Variants in PARVB observed in about 807,000 individuals in gnomAD.
PARVB encodes beta-parvin.
Under a neutral mutation model 47.0 loss-of-function variants are expected in PARVB, and 46 were observed. The observed-to-expected ratio is 0.98, with a 90% CI of 0.77 to 1.25. PARVB has a LOEUF of 1.25. PARVB is among the 50% of genes most tolerant of loss of function. PARVB has a pLI of 0.00. For synonymous variants in PARVB, 196 were observed against 196.3 expected (o/e 1.00, Z 0.01); for missense variants, 473 against 471.6 (o/e 1.00, Z -0.03).
At chr22:44,166,246 A>T (rs907838478) in intron 12 of PARVB, among the ~76,000 whole-genome samples, 3 of 152,170 alleles carry the variant, frequency 2.0e-5, no homozygotes, top group Non-Finnish European at 2.9e-5. Context: ...AGTAGCTGGG[A>T]TTACAGGCAC....
At chr22:44,058,713 C>T (rs1268168637) in intron 1 of PARVB, among the ~76,000 whole-genome samples, 1 of 152,010 alleles carries the variant, frequency 6.6e-6, no homozygotes, top group South Asian at 2.1e-4. Flanking sequence ...TGCCACCACA[C>T]CTGGCTAATT....
intron 1 of PARVB, among the ~76,000 whole-genome samples, chr22:44,037,029 G>T (rs563887384): frequency 6.6e-6 from 1 of 150,904 alleles, no homozygotes; most frequent in African/African-American, 2.4e-5. Context: ...GAGGGTAAAA[G>T]TTAAAGGAAG....
At chr22:44,107,494 G>A (rs559063055) in intron 3 of PARVB, 1 of 152,306 alleles carries the variant, frequency 6.6e-6, no homozygotes, top group Admixed American at 6.5e-5. Context: ...TTTCCTGAGT[G>A]ATAGGAGCGT....
intron 3 of PARVB, among the ~76,000 whole-genome samples, chr22:44,101,663 G>C (rs1198233045): frequency 6.6e-6 from 1 of 150,536 alleles, no homozygotes; most frequent in Non-Finnish European, 1.5e-5. Flanking sequence ...AGGCAGAATT[G>C]CTTGAACCTG....
At chr22:44,077,146 TAGTC>T (rs907932191) in intron 1 of PARVB, among the ~76,000 whole-genome samples, 4 of 152,086 alleles carry the variant, frequency 2.6e-5, no homozygotes, top group African/African-American at 9.7e-5. Context: ...AACAGAAACA[TAGTC>T]TGTCACAGTT....
chr22:44,091,970 C>T lies in PARVB; in HGVS notation c.113-1958C>T, dbSNP rs180728716. Among the ~76,000 whole-genome samples, 310 of 152,198 alleles carry T rather than the reference C, an allele frequency of 2.0e-3. 2 individuals carry two copies. The highest frequency in any genetic ancestry group is 0.019 in the Admixed American group (298 of 15,290). On this transcript the variant is annotated intron_variant, in intron 1 of 12. Coordinates refer to ENST00000338758, the MANE Select transcript of PARVB (RefSeq NM_013327.5). ...TGTGTTGTCCTGGAAGTCGGGTCCA[C>T]GGTCACGTCCTGAGAGTCCCATCAC...
intron 8 of PARVB, chr22:44,140,644 C>T (rs2053532998): frequency 3.9e-6 from 2 of 515,320 alleles, no homozygotes; most frequent in Admixed American, 3.9e-5. Context: ...TTGTGGCCTG[C>T]CCCTTCCTCT....
intron 2 of PARVB, among the ~76,000 whole-genome samples, chr22:44,015,854 A>G (rs1045116744): frequency 5.9e-5 from 9 of 152,170 alleles, no homozygotes; most frequent in Non-Finnish European, 1.2e-4. Flanking sequence ...ATTAGGGTGC[A>G]GACAGCCAAC....
intron 12 of PARVB, among the ~76,000 whole-genome samples, chr22:44,165,406 A>C (rs559103191): frequency 1.5e-4 from 23 of 152,336 alleles, no homozygotes; most frequent in Non-Finnish European, 3.1e-4. Flanking sequence ...ATCAAAGCAC[A>C]TGTCCAGCAG....
chr22:44,151,639 T>G, intron 10 of PARVB, 88 bp downstream of exon 10: 1 of 1,037,118 alleles, frequency 9.6e-7, no homozygotes, highest in East Asian at 2.4e-5. Context: ...TGAACAAAGC[T>G]GGCGCCATTT....
intron 1 of PARVB, among the ~76,000 whole-genome samples, chr22:44,073,587 G>C (rs1258422427): frequency 6.6e-6 from 1 of 152,248 alleles, no homozygotes; most frequent in Admixed American, 6.5e-5. Flanking sequence ...AGGGAACCGA[G>C]AGATGAAAGG....
At chr22:44,143,164 T>G (rs1366986250) in intron 8 of PARVB, 1 of 152,708 alleles carries the variant, frequency 6.5e-6, no homozygotes, top group African/African-American at 2.4e-5. Context: ...TGCCCCAAAC[T>G]GGCCTCCACT....
intron 1 of PARVB, chr22:44,069,136 C>G (rs768673285): frequency 5.6e-6 from 9 of 1,612,506 alleles, no homozygotes; most frequent in Middle Eastern, 3.4e-4. Context: ...GTCTGCAGAG[C>G]TGCCGCCAGC....
chr22:44,089,216 C>G lies in PARVB; in HGVS notation c.113-4712C>G, dbSNP rs907619344. The G allele has an allele frequency of 6.6e-6, 1 of 152,484 alleles. No homozygotes were observed. The highest frequency in any genetic ancestry group is 2.4e-5 in the African/African-American group (1 of 41,588). 9.4% of individuals were successfully genotyped at this position (152,484 alleles called of 1,614,324 possible). On this transcript the variant is annotated intron_variant, in intron 1 of 12. Transcript: ENST00000338758. This position sits in a 1 kb window ranked among gnomAD's most constrained non-coding sequence, Gnocchi z 4.0. ...CAGGTGAACTCTGCTGCGGTGGGAA[C>G]GAGTTGGCATCGACTCCCTCGTGGC... is the stretch of plus-strand genomic sequence containing the variant.
intron 2 of PARVB, among the ~76,000 whole-genome samples, chr22:44,006,478 A>T (rs937593060): frequency 3.3e-5 from 5 of 152,162 alleles, no homozygotes; most frequent in Non-Finnish European, 7.4e-5. Flanking sequence ...ACAGAAAATC[A>T]GTCGGGCGTG....
At chr22:44,055,678 C>CTCTCTCTCTCTCTCTCTATATATA (rs1438284048) in intron 1 of PARVB, among the ~76,000 whole-genome samples, 17 of 142,674 alleles carry the variant, frequency 1.2e-4, no homozygotes, top group African/African-American at 4.5e-4. Context: ...CTCTCTCTCT[C>CTCTCTCTCTCTCTCTCTATATATA]TATATATATA....
At chr22:44,085,716 T>C (rs1308501921) in intron 1 of PARVB, among the ~76,000 whole-genome samples, 1 of 152,236 alleles carries the variant, frequency 6.6e-6, no homozygotes, top group Non-Finnish European at 1.5e-5. Context: ...GGTCGGCTGC[T>C]GGGTGGAAGT....
chr22:44,156,247 G>A (rs1164643151), intron 10 of PARVB, among the ~76,000 whole-genome samples: 2 of 149,188 alleles, frequency 1.3e-5, no homozygotes, highest in Middle Eastern at 3.5e-3. Flanking sequence ...CAGGGCTTCT[G>A]ATATTGGATG....
chr22:44,122,020 C>T (rs1257728101), intron 4 of PARVB, among the ~76,000 whole-genome samples: 1 of 152,118 alleles, frequency 6.6e-6, no homozygotes, highest in Non-Finnish European at 1.5e-5. Flanking sequence ...CAGAACTTAA[C>T]TGAATTATTT....
Sources: gnomAD v4.1 joint callset for allele counts (sites outside exome capture counted in the v4.1 genomes callset) on GRCh38, gnomAD v4.1.1 for gene constraint, Gnocchi (gnomAD v3.1) non-coding constraint, MANE v1.5 for transcripts, NCBI Gene and HGNC (gene_info 2026-07-23, HGNC 2026-07-21) for gene names.